Variants in CEP128 observed in about 807,000 individuals in gnomAD.
CEP128 encodes centrosomal protein 128kDa.
CEP128 carries 132 observed loss-of-function variants against 156.7 expected under a neutral mutation model. That is an observed-to-expected ratio of 0.84 (90% CI 0.73 to 0.97). The LOEUF is 0.97. CEP128 is among the 50% of genes least tolerant of loss of function. CEP128 has a pLI of 0.00. For missense variants in CEP128, 1,252 were observed against 1,281.9 expected (o/e 0.98, Z 0.36); for synonymous variants, 469 against 448.9 (o/e 1.04, Z -0.57).
chr14:80,566,998 T>C (rs552889947), intron 20 of CEP128, among the ~76,000 whole-genome samples: 1 of 152,268 alleles, frequency 6.6e-6, no homozygotes, highest in East Asian at 1.9e-4. Flanking sequence ...ATAATGGTCC[T>C]TGTTGCCTGA....
chr14:80,688,000 C>T (rs768844966), intron 19 of CEP128, among the ~76,000 whole-genome samples: 1 of 152,076 alleles, frequency 6.6e-6, no homozygotes, highest in Non-Finnish European at 1.5e-5. Flanking sequence ...CTCCTTTATT[C>T]TGATAGTTGC....
intron 19 of CEP128, among the ~76,000 whole-genome samples, chr14:80,704,989 C>A (rs946369997): frequency 3.9e-5 from 6 of 151,978 alleles, no homozygotes; most frequent in African/African-American, 1.4e-4. Context: ...TCCAATAAGT[C>A]TGAAGCAAAT....
At chr14:80,520,478 T>C (rs534528388) in intron 23 of CEP128, among the ~76,000 whole-genome samples, 2 of 152,160 alleles carry the variant, frequency 1.3e-5, no homozygotes, top group Admixed American at 1.3e-4. Flanking sequence ...AACAGACTTA[T>C]GAAAATACTA....
intron 2 of CEP128, among the ~76,000 whole-genome samples, chr14:80,950,628 G>A (rs976363191): frequency 6.6e-6 from 1 of 152,078 alleles, no homozygotes; most frequent in African/African-American, 2.4e-5. Context: ...ACTGAGAAAA[G>A]CATCAATATT....
intron 23 of CEP128, among the ~76,000 whole-genome samples, chr14:80,513,529 G>C (rs1253288790): frequency 3.3e-5 from 5 of 152,036 alleles, no homozygotes; most frequent in Non-Finnish European, 5.9e-5. Flanking sequence ...AAAGTTCTCT[G>C]TTATTATTTC....
chr14:80,526,683 G>A, intron 23 of CEP128, 186 bp downstream of exon 23: 1 of 450,200 alleles, frequency 2.2e-6, no homozygotes, highest in Non-Finnish European at 4.0e-6. Flanking sequence ...CAGACAAAAT[G>A]TGGTAGGCAC....
At chr14:80,946,122 A>G (rs1197605377), upstream of CEP128, among the ~76,000 whole-genome samples, 2 of 152,118 alleles carry the variant, frequency 1.3e-5, no homozygotes, top group African/African-American at 4.8e-5. Context: ...TGTTTGGGGG[A>G]TAAAATAAAT....
intron 19 of CEP128, among the ~76,000 whole-genome samples, chr14:80,607,011 ATATATT>A (rs1458908894): frequency 3.3e-5 from 5 of 151,550 alleles, no homozygotes; most frequent in Non-Finnish European, 7.4e-5. Context: ...ATTTTAATAC[ATATATT>A]TATATAACAT....
chr14:80,759,713 C>CATT (rs1899856835), intron 17 of CEP128, among the ~76,000 whole-genome samples: 1 of 152,068 alleles, frequency 6.6e-6, no homozygotes. Context: ...GTGTAAAACC[C>CATT]ATTACCACAG....
chr14:80,600,509 A>C (rs975616655), intron 19 of CEP128, among the ~76,000 whole-genome samples: 1 of 152,178 alleles, frequency 6.6e-6, no homozygotes, highest in African/African-American at 2.4e-5. Context: ...TCAGTGAAGA[A>C]CTTTACATGC....
chr14:80,541,272 T>A (rs1889744384), intron 21 of CEP128, among the ~76,000 whole-genome samples: 1 of 152,080 alleles, frequency 6.6e-6, no homozygotes, highest in African/African-American at 2.4e-5. Flanking sequence ...ATCTCCTTTT[T>A]AAGCTTAAAA....
At position 80,785,234 on chromosome 14, in the gene CEP128, G is replaced by A; in HGVS notation, c.1872C>T (p.Ala624=). 6.2e-7 allele frequency: 1 copy of A among 1,614,070 alleles called. No homozygotes were observed. The highest frequency in any genetic ancestry group is 8.5e-7 in the Non-Finnish European group (1 of 1,179,982). ...TCTCAAGAAGTTTAGCTTTGTCCTG[G>A]GCCTGGCTCTTCTTGAGCTCTGCAA... ...EEIAELKKSQ[A]QDKAKLLEMQ... Residue 624 remains alanine, a synonymous_variant, in exon 15 of 25, where the codon GCC becomes GCT. Coordinates refer to ENST00000555265, the MANE Select transcript of CEP128 (RefSeq NM_152446.5).
At position 80,482,169 on chromosome 14, in the gene CEP128, A is replaced by G. The variant is rs370214435; in HGVS notation, c.*311-3762T>C. Among the ~76,000 whole-genome samples the G allele has an allele frequency of 7.9e-5, 12 of 152,242 alleles. No homozygotes were observed. The East Asian group carries it at 1.3e-3, about 17-fold the overall frequency. On this transcript the variant is annotated intron_variant and NMD_transcript_variant, in intron 14 of 14. Transcript: ENST00000554502. ...AATATTGACATTTACCCAAACAACT[A>G]TAACAGCAGAAATGCTACTTCCTTT...
intron 18 of CEP128, among the ~76,000 whole-genome samples, chr14:80,749,064 C>G (rs1438532246): frequency 6.6e-6 from 1 of 152,252 alleles, no homozygotes; most frequent in East Asian, 1.9e-4. Flanking sequence ...TCTGCCCCAC[C>G]ACAGTCCCAG....
intron 19 of CEP128, among the ~76,000 whole-genome samples, chr14:80,619,635 G>A (rs1033556354): frequency 5.3e-5 from 8 of 150,730 alleles, no homozygotes; most frequent in African/African-American, 1.7e-4. Flanking sequence ...CTGGGAGGCA[G>A]AGGTTGCAGC....
intron 21 of CEP128, among the ~76,000 whole-genome samples, chr14:80,531,645 TG>T (rs375823493): frequency 8.5e-5 from 13 of 152,304 alleles, no homozygotes; most frequent in African/African-American, 3.1e-4. Context: ...ACATATTAGG[TG>T]GGTAACAGGT....
At chr14:80,910,369 T>C (rs1363187761) in intron 4 of CEP128, among the ~76,000 whole-genome samples, 1 of 152,192 alleles carries the variant, frequency 6.6e-6, no homozygotes, top group Non-Finnish European at 1.5e-5. Context: ...GAGAGGTCAC[T>C]GGATCATGGG....
chr14:80,512,867 T>C (rs926943983), intron 23 of CEP128, among the ~76,000 whole-genome samples: 15 of 152,220 alleles, frequency 9.9e-5, no homozygotes, highest in South Asian at 2.1e-4. Flanking sequence ...AAAAACACTT[T>C]AACTTCACCC....
chr14:80,700,976 G>A (rs937869366), intron 19 of CEP128, among the ~76,000 whole-genome samples: 2 of 152,150 alleles, frequency 1.3e-5, no homozygotes, highest in African/African-American at 2.4e-5. Context: ...GCAGGGAAGA[G>A]GGAGCAGAAC....
Sources: allele counts gnomAD v4.1 joint callset (sites outside exome capture counted in the v4.1 genomes callset), GRCh38; gene constraint gnomAD v4.1.1; transcripts MANE v1.5; gene names NCBI Gene and HGNC (gene_info 2026-07-23, HGNC 2026-07-21).